RMP64: variants seen among roughly 807,000 people sequenced by gnomAD.
RMP64 encodes the protein ribonuclease MRP subunit p64.
chr3:113,012,573 G>A, the RMP64 span: 2 of 494,118 alleles, frequency 4.0e-6, no homozygotes, highest in South Asian at 3.9e-5. Flanking sequence ...ATCAGCACTC[G>A]GCTTCCCAAT....
chr3:113,014,272 G>C, the RMP64 span: 1 of 379,410 alleles, frequency 2.6e-6, no homozygotes, highest in Non-Finnish European at 4.9e-6. Flanking sequence ...TAAGAAATTA[G>C]TATATGCCAC....
At chr3:113,013,154 A>T in the RMP64 span, 1 of 1,146,604 alleles carries the variant, frequency 8.7e-7, no homozygotes, top group Non-Finnish European at 1.3e-6. Context: ...GCAAAAGTTT[A>T]AGAATTCCTG....
At chr3:113,008,280 T>C in the RMP64 span, 6 of 1,614,186 alleles carry the variant, frequency 3.7e-6, no homozygotes, top group Admixed American at 1.0e-4. Flanking sequence ...ACAACTGCCA[T>C]CTGGATTTCT....
chr3:113,019,607 C>T, the RMP64 span: 1 of 1,613,854 alleles, frequency 6.2e-7, no homozygotes, highest in Non-Finnish European at 8.5e-7. Flanking sequence ...GATTCTCACA[C>T]GGTTCCACGG....
chr3:113,005,802 C>G, the RMP64 span: 1 of 1,613,950 alleles, frequency 6.2e-7, no homozygotes. Context: ...GTATCTGTAG[C>G]ACTCTTCCGA....
the RMP64 span, chr3:113,008,825 G>C: frequency 5.9e-6 from 1 of 170,032 alleles, no homozygotes; most frequent in Non-Finnish European, 1.3e-5. Flanking sequence ...ATTGACATAG[G>C]AAAGTTAACA....
chr3:113,006,147 A>C, the RMP64 span: 3 of 630,222 alleles, frequency 4.8e-6, no homozygotes, highest in Non-Finnish European at 5.5e-6. Flanking sequence ...CCACATCGAA[A>C]AATTTCACCC....
the RMP64 span, chr3:113,013,461 T>C: frequency 1.7e-6 from 2 of 1,173,046 alleles, no homozygotes; most frequent in South Asian, 1.5e-5. Context: ...GTTTTTTTTT[T>C]GTTTTTTTTT....
chr3:113,007,903 C>A, the RMP64 span, among the ~76,000 whole-genome samples: 3 of 152,190 alleles, frequency 2.0e-5, no homozygotes, highest in African/African-American at 4.8e-5. Flanking sequence ...GCACACTAGA[C>A]ACTCTTAATG....
chr3:113,006,363 G>A, the RMP64 span, among the ~76,000 whole-genome samples: 1 of 152,132 alleles, frequency 6.6e-6, no homozygotes, highest in Non-Finnish European at 1.5e-5. Flanking sequence ...CATCACAAAT[G>A]AAAAAATCTG....
At chr3:113,011,169 C>A in the RMP64 span, 1 of 1,613,476 alleles carries the variant, frequency 6.2e-7, no homozygotes, top group Non-Finnish European at 8.5e-7. Flanking sequence ...TTGGTGACTG[C>A]TCATTTATTA....
the RMP64 span, chr3:113,003,535 C>T: frequency 1.1e-4 from 16 of 152,044 alleles, no homozygotes; most frequent in African/African-American, 3.6e-4. Flanking sequence ...ATTTTGTGGA[C>T]ACATGTGAAG....
chr3:113,016,118 C>T, the RMP64 span, among the ~76,000 whole-genome samples: 1 of 151,488 alleles, frequency 6.6e-6, no homozygotes, highest in South Asian at 2.1e-4. Context: ...TCTATCTGAA[C>T]GCAAGAGAGA....
chr3:113,011,062 T>C, the RMP64 span: 3 of 1,598,726 alleles, frequency 1.9e-6, no homozygotes, highest in South Asian at 2.3e-5. Flanking sequence ...GACTCTCTTA[T>C]TCTTTACTGG....
the RMP64 span, among the ~76,000 whole-genome samples, chr3:113,015,955 T>TA: frequency 6.6e-6 from 1 of 151,598 alleles, no homozygotes; most frequent in Non-Finnish European, 1.5e-5. Flanking sequence ...CAGAAAGGCT[T>TA]AAAATGGGAC....
the RMP64 span, among the ~76,000 whole-genome samples, chr3:113,013,703 C>T: frequency 4.6e-5 from 7 of 152,106 alleles, no homozygotes; most frequent in Non-Finnish European, 8.8e-5. Context: ...TAGTTAAGCA[C>T]AATAACAGCC....
chr3:113,018,191 A>G, the RMP64 span, among the ~76,000 whole-genome samples: 1 of 152,230 alleles, frequency 6.6e-6, no homozygotes, highest in Non-Finnish European at 1.5e-5. Context: ...GAAAATCTGT[A>G]GAAGTCCCTA....
chr3:113,018,287 A>G, the RMP64 span, among the ~76,000 whole-genome samples: 1 of 152,150 alleles, frequency 6.6e-6, no homozygotes, highest in Non-Finnish European at 1.5e-5. Flanking sequence ...CCTAACAAGA[A>G]TTTTCTTACT....
chr3:113,014,719 A>C, the RMP64 span: 1 of 152,236 alleles, frequency 6.6e-6, no homozygotes, highest in African/African-American at 2.4e-5. Flanking sequence ...CTAAATTTCA[A>C]CAGTCTATAA....
Sources: gnomAD v4.1 joint callset for allele counts (sites outside exome capture counted in the v4.1 genomes callset) on GRCh38, gnomAD v4.1.1 for gene constraint, MANE v1.5 for transcripts, NCBI Gene and HGNC (gene_info 2026-07-23, HGNC 2026-07-21) for gene names.